Variants in CSRNP3 observed in about 807,000 individuals in gnomAD.
CSRNP3 encodes the protein cysteine/serine-rich nuclear protein 3.
CSRNP3 carries 12 observed loss-of-function variants against 48.0 expected under a neutral mutation model. The ratio of observed to expected loss-of-function variants is 0.25; its 90% CI spans 0.16 to 0.41. The LOEUF (loss-of-function observed/expected upper bound fraction) is 0.41, where lower values mean the gene tolerates loss of function less well. Ranked by LOEUF, CSRNP3 falls within the 10% of genes least tolerant of loss-of-function variation. The probability of loss-of-function intolerance (pLI) is 1.00; values close to 1 mark genes in which losing one functional copy is unlikely to be tolerated. For missense variants in CSRNP3, 580 were observed against 724.4 expected, an observed-to-expected ratio of 0.80 and a Z score of 2.29; for synonymous variants, 263 against 269.7, an observed-to-expected ratio of 0.98 and a Z score of 0.24.
chr2:165,611,211 G>GT (rs35123528), intron 4 of CSRNP3, among the ~76,000 whole-genome samples: 9,825 of 152,134 alleles, frequency 0.065, 360 homozygotes, highest in Middle Eastern at 0.092. Context: ...AAAAAGTGTA[G>GT]TAAGCAAGGG....
chr2:165,636,566 T>C (rs1686631235), intron 4 of CSRNP3, among the ~76,000 whole-genome samples: 1 of 152,188 alleles, frequency 6.6e-6, no homozygotes, highest in African/African-American at 2.4e-5. Flanking sequence ...CAAGTAATCA[T>C]TATTGCCATG....
rs1265157432 is a variant in CSRNP3 at position 165,599,279 on chromosome 2, GAGAGAGAAAGAAAGAAAGAAAGAA to G, written c.148+4070_148+4093del. 3.0e-4 allele frequency among the ~76,000 whole-genome samples: 22 copies of G among 73,194 alleles called. No individual in the cohort carries two copies. In the South Asian group the frequency reaches 3.3e-3, roughly 11 times the overall value. 48.0% of individuals were successfully genotyped at this position (73,194 alleles called of 152,430 possible). ...AAAGAAAGAAAAAGAAAGAAAGAGA[GAGAGAGAAAGAAAGAAAGAAAGAA>G]AGAAAGAAAGAAAGAAAGAAAGAAA... is the stretch of plus-strand genomic sequence containing the variant. On this transcript the variant is annotated intron_variant, in intron 4 of 6. Coordinates refer to ENST00000651982, the MANE Select transcript of CSRNP3 (RefSeq NM_001172173.2).
chr2:165,581,856 G>C (rs1381096140), intron 3 of CSRNP3, among the ~76,000 whole-genome samples: 1 of 152,060 alleles, frequency 6.6e-6, no homozygotes, highest in Non-Finnish European at 1.5e-5. Flanking sequence ...TGATAGAAGT[G>C]CAAACTGAGA....
intron 5 of CSRNP3, among the ~76,000 whole-genome samples, chr2:165,666,118 A>T (rs1389924284): frequency 7.4e-6 from 1 of 135,574 alleles, no homozygotes; most frequent in African/African-American, 2.7e-5. Context: ...AGAAAGAGAG[A>T]GAGAAAGGAA....
intron 3 of CSRNP3, among the ~76,000 whole-genome samples, chr2:165,563,520 C>T (rs182030458): frequency 2.1e-4 from 32 of 152,222 alleles, no homozygotes; most frequent in African/African-American, 3.4e-4. Context: ...GCCCAATTCG[C>T]GAATCATTCA....
intron 3 of CSRNP3, among the ~76,000 whole-genome samples, chr2:165,527,650 G>A (rs1049225213): frequency 2.6e-5 from 4 of 152,024 alleles, no homozygotes; most frequent in Non-Finnish European, 5.9e-5. Context: ...TGCCTTCTTG[G>A]TATTTTTCAG....
At chr2:165,520,783 TTATATATATA>T (rs869287628) in intron 3 of CSRNP3, among the ~76,000 whole-genome samples, 11 of 29,694 alleles carry the variant, frequency 3.7e-4, no homozygotes, top group African/African-American at 1.0e-3. Context: ...TATATATATA[TTATATATATA>T]TATATATATA....
At chr2:165,661,057 C>G (rs967148125) in intron 5 of CSRNP3, among the ~76,000 whole-genome samples, 1 of 152,132 alleles carries the variant, frequency 6.6e-6, no homozygotes, top group African/African-American at 2.4e-5. Flanking sequence ...CATTGTAATT[C>G]CTCTAGTATG....
intron 3 of CSRNP3, among the ~76,000 whole-genome samples, chr2:165,582,348 A>T (rs887689625): frequency 4.6e-5 from 7 of 152,352 alleles, no homozygotes; most frequent in Admixed American, 4.6e-4. Context: ...TTTAGGAAAG[A>T]CAGGTACTGT....
intron 3 of CSRNP3, among the ~76,000 whole-genome samples, chr2:165,557,978 G>T (rs550610749): frequency 6.6e-6 from 1 of 152,256 alleles, no homozygotes; most frequent in Non-Finnish European, 1.5e-5. Flanking sequence ...TCTTATTAAT[G>T]TTGGCCATTT....
chr2:165,635,130 T>C (rs1485159963), intron 4 of CSRNP3, among the ~76,000 whole-genome samples: 1 of 152,208 alleles, frequency 6.6e-6, no homozygotes, highest in Non-Finnish European at 1.5e-5. Context: ...TGAGAAGCCC[T>C]GCAGCAGCAG....
At chr2:165,649,189 C>T (rs1024005575) in intron 4 of CSRNP3, among the ~76,000 whole-genome samples, 2 of 152,160 alleles carry the variant, frequency 1.3e-5, no homozygotes, top group Non-Finnish European at 2.9e-5. Context: ...ACAGTATTTG[C>T]ACATATCTTG....
intron 3 of CSRNP3, among the ~76,000 whole-genome samples, chr2:165,587,167 A>G (rs972840707): frequency 1.3e-5 from 2 of 152,232 alleles, no homozygotes; most frequent in East Asian, 1.9e-4. Flanking sequence ...CAAATCATAT[A>G]TGTTAGTGAA....
chr2:165,471,775 T>C (rs1009419914), intron 1 of CSRNP3, among the ~76,000 whole-genome samples: 1 of 151,324 alleles, frequency 6.6e-6, no homozygotes, highest in Admixed American at 6.6e-5. Flanking sequence ...CTTATAAAAA[T>C]GAGACAACTG....
At chr2:165,514,876 C>T (rs1446731482) in intron 2 of CSRNP3, among the ~76,000 whole-genome samples, 4 of 152,194 alleles carry the variant, frequency 2.6e-5, no homozygotes, top group Admixed American at 2.6e-4. Context: ...TTTCGGTAGA[C>T]TTCACCCTAG....
chr2:165,477,454 A>C (rs1683976653), intron 1 of CSRNP3, among the ~76,000 whole-genome samples: 1 of 130,892 alleles, frequency 7.6e-6, no homozygotes, highest in Non-Finnish European at 1.6e-5. Flanking sequence ...TCTCGTCCCT[A>C]CTAAAAATAC....
chr2:165,529,919 A>G (rs1684789497), intron 3 of CSRNP3, among the ~76,000 whole-genome samples: 1 of 152,194 alleles, frequency 6.6e-6, no homozygotes, highest in African/African-American at 2.4e-5. Context: ...GATGTGTATG[A>G]GAGTTAGCGA....
chr2:165,555,148 C>G (rs939696850), intron 3 of CSRNP3, among the ~76,000 whole-genome samples: 1 of 152,150 alleles, frequency 6.6e-6, no homozygotes, highest in Non-Finnish European at 1.5e-5. Flanking sequence ...CTTACCACCC[C>G]CTCCAACACA....
intron 4 of CSRNP3, among the ~76,000 whole-genome samples, chr2:165,602,158 A>G (rs2105302275): frequency 6.6e-6 from 1 of 152,270 alleles, no homozygotes; most frequent in East Asian, 1.9e-4. Context: ...TGAACACAAG[A>G]GTTTTAGAAG....
Sources: gnomAD v4.1 joint callset for allele counts (sites outside exome capture counted in the v4.1 genomes callset) on GRCh38, gnomAD v4.1.1 for gene constraint, MANE v1.5 for transcripts, NCBI Gene and HGNC (gene_info 2026-07-23, HGNC 2026-07-21) for gene names.